PPP3CA: variants seen among roughly 807,000 people sequenced by gnomAD.
PPP3CA encodes the protein CAM-PRP catalytic subunit.
Under a neutral mutation model 66.5 loss-of-function variants are expected in PPP3CA, and 14 were observed. That is an observed-to-expected ratio of 0.21 (90% confidence interval 0.14 to 0.33). The LOEUF (loss-of-function observed/expected upper bound fraction) is 0.33, where lower values mean the gene tolerates loss of function less well. Ranked by LOEUF, PPP3CA falls within the 10% of genes least tolerant of loss-of-function variation. PPP3CA has a pLI of 1.00. For missense variants in PPP3CA, 317 were observed against 639.5 expected (o/e 0.50, Z 5.44); for synonymous variants, 232 against 226.2 (o/e 1.03, Z -0.23).
intron 1 of PPP3CA, among the ~76,000 whole-genome samples, chr4:101,309,263 C>G (rs1475227946): frequency 6.6e-6 from 1 of 152,184 alleles, no homozygotes; most frequent in Non-Finnish European, 1.5e-5. Context: ...CGATACTACA[C>G]ATCAGGTATT....
intron 1 of PPP3CA, among the ~76,000 whole-genome samples, chr4:101,276,547 C>G (rs929861969): frequency 6.6e-6 from 1 of 152,244 alleles, no homozygotes; most frequent in South Asian, 2.1e-4. Flanking sequence ...GCTTTTCCCC[C>G]CACATTTGTC....
intron 1 of PPP3CA, among the ~76,000 whole-genome samples, chr4:101,204,204 A>G (rs1237467767): frequency 6.6e-6 from 1 of 152,050 alleles, no homozygotes; most frequent in Non-Finnish European, 1.5e-5. Flanking sequence ...ATAAGGTCTC[A>G]TTATGTTACC....
At chr4:101,046,794 T>G (rs1000678099) in intron 10 of PPP3CA, among the ~76,000 whole-genome samples, 1 of 152,168 alleles carries the variant, frequency 6.6e-6, no homozygotes, top group Non-Finnish European at 1.5e-5. Flanking sequence ...TGAATTTGAA[T>G]AAAACCTCTT....
At chr4:101,118,774 T>C (rs957963942) in intron 2 of PPP3CA, among the ~76,000 whole-genome samples, 1 of 152,028 alleles carries the variant, frequency 6.6e-6, no homozygotes, top group Non-Finnish European at 1.5e-5. Context: ...ACAGAATGCA[T>C]AGACTTCTAA....
chr4:101,242,356 TG>T (rs1183931580), intron 1 of PPP3CA, among the ~76,000 whole-genome samples: 9 of 152,120 alleles, frequency 5.9e-5, no homozygotes, highest in African/African-American at 1.7e-4. Context: ...TGAGATGACC[TG>T]AAAACTACAT....
chr4:101,236,008 A>T (rs1726116377), intron 1 of PPP3CA, among the ~76,000 whole-genome samples: 1 of 151,662 alleles, frequency 6.6e-6, no homozygotes, highest in African/African-American at 2.4e-5. Flanking sequence ...CACAGCTGAT[A>T]CAAAACACTG....
chr4:101,328,140 A>G (rs1729263037), intron 1 of PPP3CA, among the ~76,000 whole-genome samples: 1 of 152,196 alleles, frequency 6.6e-6, no homozygotes, highest in Non-Finnish European at 1.5e-5. Context: ...AAATCAGGGC[A>G]GGGTGTTAAA....
chr4:101,179,111 A>C (rs967986896), intron 2 of PPP3CA, among the ~76,000 whole-genome samples: 1 of 152,010 alleles, frequency 6.6e-6, no homozygotes, highest in Non-Finnish European at 1.5e-5. Context: ...TTCTTGAACT[A>C]TCTCTCGAAC....
chr4:101,101,913 A>G (rs1421125807), intron 3 of PPP3CA, among the ~76,000 whole-genome samples: 1 of 151,964 alleles, frequency 6.6e-6, no homozygotes, highest in Non-Finnish European at 1.5e-5. Context: ...TTGTAACCCC[A>G]CTCAAATACC....
chr4:101,286,265 G>C (rs1211443206), intron 1 of PPP3CA, among the ~76,000 whole-genome samples: 1 of 152,234 alleles, frequency 6.6e-6, no homozygotes, highest in Non-Finnish European at 1.5e-5. Context: ...ACAGGCCACA[G>C]ACTGCTACAG....
chr4:101,103,544 G>A (rs1730537255), intron 3 of PPP3CA, among the ~76,000 whole-genome samples: 1 of 152,150 alleles, frequency 6.6e-6, no homozygotes, highest in African/African-American at 2.4e-5. Flanking sequence ...AACATCTCTT[G>A]TTGTGCCACT....
intron 13 of PPP3CA, among the ~76,000 whole-genome samples, chr4:101,027,372 G>A (rs1726705854): frequency 6.6e-6 from 1 of 151,992 alleles, no homozygotes; most frequent in South Asian, 2.1e-4. Context: ...GATATACACA[G>A]TTGTTTCAAT....
At chr4:101,207,059 C>T (rs1160354352) in intron 1 of PPP3CA, among the ~76,000 whole-genome samples, 1 of 152,090 alleles carries the variant, frequency 6.6e-6, no homozygotes, top group Non-Finnish European at 1.5e-5. Flanking sequence ...AAAAAAATTG[C>T]AAACATTTTG....
intron 2 of PPP3CA, among the ~76,000 whole-genome samples, chr4:101,176,834 CAATAA>C (rs1351165710): frequency 6.6e-6 from 1 of 151,954 alleles, no homozygotes; most frequent in African/African-American, 2.4e-5. Flanking sequence ...AAAATGTGAC[CAATAA>C]AATATCAATA....
At chr4:101,131,232 G>T (rs2695221) in intron 2 of PPP3CA, among the ~76,000 whole-genome samples, 4 of 147,058 alleles carry the variant, frequency 2.7e-5, no homozygotes, top group Non-Finnish European at 5.9e-5. Flanking sequence ...GTGAGACTCC[G>T]TCTCAAAATA....
At chr4:101,190,791 T>C (rs1724575520) in intron 2 of PPP3CA, among the ~76,000 whole-genome samples, 1 of 152,202 alleles carries the variant, frequency 6.6e-6, no homozygotes, top group Admixed American at 6.6e-5. Flanking sequence ...TCATCCTGCC[T>C]GCTTGTATTA....
At chr4:101,041,709 C>T in intron 10 of PPP3CA, among the ~76,000 whole-genome samples, 1 of 152,080 alleles carries the variant, frequency 6.6e-6, no homozygotes, top group East Asian at 1.9e-4. Context: ...GCTGGGATTA[C>T]AAGTGTGAGC....
intron 1 of PPP3CA, among the ~76,000 whole-genome samples, chr4:101,310,049 G>A (rs942483997): frequency 4.6e-5 from 7 of 152,076 alleles, no homozygotes; most frequent in Non-Finnish European, 7.4e-5. Context: ...ATCTACTTTC[G>A]TTTAACTAAA....
intron 1 of PPP3CA, among the ~76,000 whole-genome samples, chr4:101,285,243 T>C (rs146550615): frequency 0.011 from 1,609 of 152,296 alleles, 31 homozygotes; most frequent in African/African-American, 0.036. Flanking sequence ...AAGGATTATG[T>C]TTAAATAATT....
Sources: allele counts gnomAD v4.1 joint callset (sites outside exome capture counted in the v4.1 genomes callset), GRCh38; gene constraint gnomAD v4.1.1; transcripts MANE v1.5; gene names NCBI Gene and HGNC (gene_info 2026-07-23, HGNC 2026-07-21).